Variants in MAOB observed in about 807,000 individuals in gnomAD.
MAOB encodes amine oxidase [flavin-containing] B.
In MAOB, 15 loss-of-function variants were observed where a neutral mutation model predicts 41.9. That is an observed-to-expected ratio of 0.36 (90% CI 0.24 to 0.55). MAOB has a LOEUF of 0.55. Among genes scored for constraint, MAOB ranks in the 20% least tolerant of loss-of-function variants. MAOB has a pLI of 0.86. For synonymous variants in MAOB, 167 were observed against 144.2 expected, an observed-to-expected ratio of 1.16 and a Z score of -1.13; for missense variants, 345 against 398.7, an observed-to-expected ratio of 0.87 and a Z score of 1.15.
At chrX:43,862,090 T>C (rs1222601877) in intron 1 of MAOB, among the ~76,000 whole-genome samples, 1 of 111,541 alleles carries the variant, frequency 9.0e-6, no homozygotes, top group African/African-American at 3.3e-5. Context: ...AAGAAGTAAA[T>C]CCTTTGCCAA....
chrX:43,840,168 A>T (rs1413361398), intron 2 of MAOB, among the ~76,000 whole-genome samples: 2 of 112,166 alleles, frequency 1.8e-5, no homozygotes, highest in East Asian at 5.6e-4. Flanking sequence ...TAACTAGGTC[A>T]GGCGGTGTAT....
At chrX:43,882,055 G>T (rs192622045) in intron 1 of MAOB, among the ~76,000 whole-genome samples, 199 bp downstream of exon 1, 51 of 112,120 alleles carry the variant, frequency 4.5e-4, no homozygotes, top group East Asian at 3.4e-3. Flanking sequence ...TGGCCTCTGC[G>T]TCCGGGAACG....
intron 1 of MAOB, among the ~76,000 whole-genome samples, chrX:43,856,254 T>C (rs2035286716): frequency 9.0e-6 from 1 of 111,046 alleles, no homozygotes; most frequent in Non-Finnish European, 1.9e-5. Context: ...CGGCTAATTT[T>C]TGTATTTTTA....
chrX:43,817,564 C>T (rs2034831330), intron 3 of MAOB, among the ~76,000 whole-genome samples: 2 of 111,888 alleles, frequency 1.8e-5, no homozygotes, highest in African/African-American at 3.3e-5. Context: ...TAATTCAGAA[C>T]ATGTCACTCC....
chrX:43,803,815 G>A (rs1321991251), intron 3 of MAOB, among the ~76,000 whole-genome samples: 1 of 110,849 alleles, frequency 9.0e-6, no homozygotes, highest in Non-Finnish European at 1.9e-5. Context: ...ACTTAGAAGG[G>A]GATCAAAAAT....
At chrX:43,873,982 T>G (rs772198580) in intron 1 of MAOB, among the ~76,000 whole-genome samples, 17 of 112,067 alleles carry the variant, frequency 1.5e-4, no homozygotes, top group Non-Finnish European at 3.2e-4. Flanking sequence ...GCCGACAGTT[T>G]TTATATAACA....
intron 3 of MAOB, among the ~76,000 whole-genome samples, chrX:43,803,761 G>A (rs2034627935): frequency 9.0e-6 from 1 of 111,721 alleles, no homozygotes; most frequent in African/African-American, 3.3e-5. Context: ...AGGAGCCTCT[G>A]TGTGCCTGGA....
chrX:43,794,725 T>C (rs903059388), intron 7 of MAOB, among the ~76,000 whole-genome samples: 2 of 110,171 alleles, frequency 1.8e-5, no homozygotes, highest in Non-Finnish European at 3.8e-5. Flanking sequence ...TTTTCCTTTT[T>C]TTCAGTTAGA....
chrX:43,790,721 A>G (rs1204867445), intron 8 of MAOB, among the ~76,000 whole-genome samples: 2 of 110,468 alleles, frequency 1.8e-5, no homozygotes, highest in African/African-American at 6.6e-5. Context: ...AGCTGGTACC[A>G]CAGGTGTGCA....
At chrX:43,879,355 A>T (rs1211653552) in intron 1 of MAOB, among the ~76,000 whole-genome samples, 1 of 112,416 alleles carries the variant, frequency 8.9e-6, no homozygotes, top group African/African-American at 3.2e-5. Flanking sequence ...TTATCAGGGA[A>T]TTGCCAGAAT....
chrX:43,845,209 A>C (rs187807446), intron 1 of MAOB, among the ~76,000 whole-genome samples: 2 of 111,565 alleles, frequency 1.8e-5, no homozygotes, highest in Admixed American at 9.5e-5. Context: ...TGCTCTTCCC[A>C]TGATGAGTGG....
intron 1 of MAOB, among the ~76,000 whole-genome samples, chrX:43,849,613 G>A (rs886377244): frequency 1.8e-5 from 2 of 112,939 alleles, no homozygotes; most frequent in African/African-American, 6.4e-5. Context: ...TTCATCAGCC[G>A]AATGCCCTTG....
At chrX:43,838,785 T>C in intron 3 of MAOB, 83 bp downstream of exon 3, 1 of 940,196 alleles carries the variant, frequency 1.1e-6, no homozygotes, top group Non-Finnish European at 1.4e-6. Flanking sequence ...TATAGAAGAT[T>C]CTCTGAGAGA....
At chrX:43,808,904 C>G (rs778941547) in intron 3 of MAOB, among the ~76,000 whole-genome samples, 30 of 110,426 alleles carry the variant, frequency 2.7e-4, no homozygotes, top group African/African-American at 9.9e-4. Context: ...GTGGTTTCAC[C>G]ATGTTGGCCA....
chrX:43,817,137 T>TC (rs1269163064), intron 3 of MAOB, among the ~76,000 whole-genome samples: 1 of 107,097 alleles, frequency 9.3e-6, no homozygotes, highest in Non-Finnish European at 1.9e-5. Context: ...TTCTTCTTCT[T>TC]TTCTCTCTCT....
intron 3 of MAOB, among the ~76,000 whole-genome samples, chrX:43,808,249 A>G (rs1191623887): frequency 2.7e-5 from 3 of 112,466 alleles, no homozygotes; most frequent in Non-Finnish European, 5.6e-5. Context: ...TGGGAAGAAC[A>G]GCATATTTTT....
chrX:43,790,585 CT>C (rs1243574590), intron 8 of MAOB, among the ~76,000 whole-genome samples: 58 of 104,882 alleles, frequency 5.5e-4, no homozygotes, highest in East Asian at 8.9e-4. Context: ...TGTCAACAAA[CT>C]TTTTTTTTTT....
intron 1 of MAOB, among the ~76,000 whole-genome samples, chrX:43,846,983 T>C (rs1468322515): frequency 8.9e-6 from 1 of 112,372 alleles, no homozygotes; most frequent in Non-Finnish European, 1.9e-5. Context: ...GACAATGTAA[T>C]CGCCACTGTT....
chrX:43,820,311 T>A (rs1480976463), intron 3 of MAOB, among the ~76,000 whole-genome samples: 1 of 112,354 alleles, frequency 8.9e-6, no homozygotes, highest in Non-Finnish European at 1.9e-5. Context: ...CTAATTTAAT[T>A]AATAAATCTA....
Sources: gnomAD v4.1 joint callset for allele counts (sites outside exome capture counted in the v4.1 genomes callset) on GRCh38, gnomAD v4.1.1 for gene constraint, MANE v1.5 for transcripts, NCBI Gene and HGNC (gene_info 2026-07-23, HGNC 2026-07-21) for gene names.